Variants in FEZ1 observed in about 807,000 individuals in gnomAD.
FEZ1 encodes fasciculation and elongation protein zeta 1.
FEZ1 carries 20 observed loss-of-function variants against 49.3 expected under a neutral mutation model. The observed-to-expected ratio is 0.41, with a 90% CI of 0.29 to 0.59. FEZ1 has a LOEUF of 0.59. FEZ1 is among the 20% of genes least tolerant of loss of function. The probability of loss-of-function intolerance (pLI) is 0.36; values close to 1 mark genes in which losing one functional copy is unlikely to be tolerated. For synonymous variants in FEZ1, 170 were observed against 180.9 expected (o/e 0.94, Z 0.48); for missense variants, 413 against 476.0 (o/e 0.87, Z 1.23).
chr11:125,471,560 A>G (rs1283734768), intron 3 of FEZ1, among the ~76,000 whole-genome samples: 1 of 152,134 alleles, frequency 6.6e-6, no homozygotes, highest in African/African-American at 2.4e-5. Flanking sequence ...ATGACATTTC[A>G]TAATGATAAA....
chr11:125,459,994 G>T (rs1957058226), intron 5 of FEZ1, among the ~76,000 whole-genome samples: 1 of 152,130 alleles, frequency 6.6e-6, no homozygotes. Context: ...TACTCAGGAG[G>T]CTGAGGCTTG....
At chr11:125,484,745 A>T (rs1328126022) in intron 2 of FEZ1, among the ~76,000 whole-genome samples, 2 of 152,186 alleles carry the variant, frequency 1.3e-5, no homozygotes, top group Admixed American at 6.5e-5. Flanking sequence ...ATGATCCTGA[A>T]CATTGTGTTT....
chr11:125,466,889 G>C lies in FEZ1; in HGVS notation c.412-3319C>G, dbSNP rs188037724. On this transcript the variant is annotated intron_variant, in intron 3 of 9. Coordinates refer to ENST00000278919, the MANE Select transcript of FEZ1 (RefSeq NM_005103.5). ...AAAGGTAATTTTTACAGCATATTTA[G>C]CCCTTTGCATAATATTTTCCTCCCC... Among the ~76,000 whole-genome samples the C allele has an allele frequency of 2.6e-3, 396 of 151,980 alleles. 7 individuals are homozygous for C. Among genetic ancestry groups the C allele is most frequent in the African/African-American group, 7.7e-3 (318 of 41,426 alleles).
chr11:125,479,623 G>A (rs114280881), intron 3 of FEZ1, among the ~76,000 whole-genome samples: 2,912 of 152,308 alleles, frequency 0.019, 74 homozygotes, highest in African/African-American at 0.057. Context: ...TGGAGGTGAT[G>A]ATATCATGGA....
intron 5 of FEZ1, 28 bp downstream of exon 5, chr11:125,460,470 C>T (rs201547569): frequency 8.0e-5 from 128 of 1,604,378 alleles, no homozygotes; most frequent in Middle Eastern, 1.8e-4. Context: ...GCTTCCTCCT[C>T]GGCCAGCCCA....
In FEZ1 at chr11:125,445,648, TGCCACAG is replaced by T. The variant is rs1355254077; in HGVS notation, c.*440_*446del. 8 of 302,560 alleles carry T rather than the reference TGCCACAG, an allele frequency of 2.6e-5. No homozygotes were observed. The highest frequency in any genetic ancestry group is 2.4e-4 in the South Asian group (8 of 33,058). The allele number at this position is 302,560 out of a possible 1,614,324, so 18.7% of individuals were successfully genotyped here. On this transcript the variant is annotated 3_prime_UTR_variant, in exon 10 of 10. Coordinates refer to ENST00000278919, the MANE Select transcript of FEZ1 (RefSeq NM_005103.5). This position sits in a 1 kb window ranked among gnomAD's most constrained non-coding sequence, Gnocchi z 4.4. ...CCCGGTCCCTAAACACAGCACTGGC[TGCCACAG>T]GCCACAGGCCGGCGTGCAAAGAATG...
rs1957365788 is a variant in FEZ1 at position 125,489,903 on chromosome 11, TC to T, written c.-45-82del. ...AGTTAACTTTAGAGACACACCTGCT[TC>T]CAATTCCCTACTCCAAAAAACAAGG... On this transcript the variant is annotated intron_variant, in intron 1 of 9. Transcript: ENST00000278919. The surrounding 1 kb of genome is among the most constrained non-coding windows in gnomAD (Gnocchi z 4.2). The T allele has an allele frequency of 8.1e-7, 1 of 1,237,310 alleles. No individual in the cohort carries two copies. The highest frequency in any genetic ancestry group is 2.8e-5 in the East Asian group (1 of 35,168). The allele number at this position is 1,237,310 out of a possible 1,614,324, so 76.6% of individuals were successfully genotyped here. A position where few individuals can be genotyped will look rare whatever the true frequency, so the allele number is the denominator to read the frequency against.
At chr11:125,466,563 C>T (rs1308043512) in intron 3 of FEZ1, among the ~76,000 whole-genome samples, 1 of 151,970 alleles carries the variant, frequency 6.6e-6, no homozygotes, top group East Asian at 1.9e-4. Flanking sequence ...GTCATTCTTC[C>T]AAATGATTTA....
intron 3 of FEZ1, among the ~76,000 whole-genome samples, chr11:125,473,582 G>A (rs1365904509): frequency 1.3e-5 from 2 of 152,180 alleles, no homozygotes; most frequent in Non-Finnish European, 2.9e-5. Context: ...ACTTTGGGAG[G>A]CCAAGACGGG....
chr11:125,464,418 T>G (rs1018469830), intron 3 of FEZ1, among the ~76,000 whole-genome samples: 5 of 152,114 alleles, frequency 3.3e-5, no homozygotes, highest in Non-Finnish European at 4.4e-5. Flanking sequence ...GAAGTCTGAT[T>G]TGAACGTCAT....
rs891241584 is a variant in FEZ1, at chr11:125,490,818, G to A, written c.-45-996C>T. Among the ~76,000 whole-genome samples the A allele has an allele frequency of 5.3e-5, 8 of 152,152 alleles. No individual in the cohort carries two copies. In the East Asian group the frequency reaches 1.3e-3, roughly 26 times the overall value. ...TTCACTCTGTGGCCCAGGCTGGAGT[G>A]CAGTGGTGTGATCTCAGCTCACTGC... is the stretch of plus-strand genomic sequence containing the variant. On this transcript the variant is annotated intron_variant, in intron 1 of 9. Coordinates refer to ENST00000278919, the MANE Select transcript of FEZ1 (RefSeq NM_005103.5).
At chr11:125,472,856 G>T (rs1364320672) in intron 3 of FEZ1, among the ~76,000 whole-genome samples, 3 of 152,000 alleles carry the variant, frequency 2.0e-5, no homozygotes, top group African/African-American at 7.2e-5. Flanking sequence ...TAAAATGCTG[G>T]TTTAATATTT....
chr11:125,452,538 G>T, intron 7 of FEZ1, 129 bp from the exon 8 acceptor site: 1 of 629,750 alleles, frequency 1.6e-6, no homozygotes, highest in Non-Finnish European at 2.9e-6. Flanking sequence ...TCACTGGTAC[G>T]TCACTGTTTC....
Position 125,490,710 on chromosome 11 carries a change from T to TA in FEZ1, c.-45-889dup, listed in dbSNP as rs544139616. Among the ~76,000 whole-genome samples the TA allele has an allele frequency of 1.9e-3, 291 of 151,742 alleles. 4 individuals carry two copies. The Middle Eastern group carries it at 0.024, about 12-fold the overall frequency. ...GGTCCCATCTCTATTTTTATTTTTT[T>TA]AAAAAAACTAATAAAACATCAATAG... On this transcript the variant is annotated intron_variant, in intron 1 of 9. Coordinates refer to ENST00000278919, the MANE Select transcript of FEZ1 (RefSeq NM_005103.5).
chr11:125,495,915 C>A lies in FEZ1; in HGVS notation c.-46+206G>T. 3.8e-6 allele frequency: 1 copy of A among 264,276 alleles called. No homozygotes were observed. The highest frequency in any genetic ancestry group is 2.3e-5 in the African/African-American group (1 of 43,272). The allele number at this position is 264,276 out of a possible 1,614,324, so 16.4% of individuals were successfully genotyped here. A position where few individuals can be genotyped will look rare whatever the true frequency, so the allele number is the denominator to read the frequency against. On this transcript the variant is annotated intron_variant, in intron 1 of 9. Transcript: ENST00000278919. This position sits in a 1 kb window ranked among gnomAD's most constrained non-coding sequence, Gnocchi z 4.2. Reference sequence around the variant, plus strand: ...ACATCTCCAGGGCCTGGCGCGGCGTCCCAGCTGCGCTCCCTGAAGGGCTGG... The same window carrying A: ...ACATCTCCAGGGCCTGGCGCGGCGTACCAGCTGCGCTCCCTGAAGGGCTGG...
intron 3 of FEZ1, among the ~76,000 whole-genome samples, chr11:125,471,980 C>T (rs1344714488): frequency 6.6e-6 from 1 of 152,020 alleles, no homozygotes. Context: ...CTCCCAAGCA[C>T]TTTGAAATTC....
intron 5 of FEZ1, among the ~76,000 whole-genome samples, chr11:125,457,418 AAAAAAAAAAAAATATAT>A (rs1957021784): frequency 7.4e-5 from 4 of 53,868 alleles, no homozygotes; most frequent in South Asian, 8.9e-4. Flanking sequence ...AAAAAAAAAA[AAAAAAAAAAAAATATAT>A]ATATATATAT....
At chr11:125,484,803 G>A (rs553311604) in intron 2 of FEZ1, among the ~76,000 whole-genome samples, 5 of 152,206 alleles carry the variant, frequency 3.3e-5, no homozygotes, top group Non-Finnish European at 7.3e-5. Flanking sequence ...GGGGTGCATG[G>A]CCACTTTCTA....
intron 6 of FEZ1, among the ~76,000 whole-genome samples, chr11:125,454,838 A>ACTC (rs1193685892): frequency 6.6e-6 from 1 of 151,572 alleles, no homozygotes; most frequent in Non-Finnish European, 1.5e-5. Flanking sequence ...ACATGGTGAA[A>ACTC]CTCCGTCTCT....
Sources: allele counts gnomAD v4.1 joint callset (sites outside exome capture counted in the v4.1 genomes callset), GRCh38; gene constraint gnomAD v4.1.1; non-coding constraint Gnocchi (gnomAD v3.1); transcripts MANE v1.5; gene names NCBI Gene and HGNC (gene_info 2026-07-23, HGNC 2026-07-21).